The following ABR variants were observed in gnomAD, a reference collection of about 807,000 sequenced individuals.
ABR encodes ABR activator of RhoGEF and GTPase, also known as active breakpoint cluster region-related protein.
A neutral mutation model predicts 107.2 loss-of-function variants in ABR; 35 were observed. That is an observed-to-expected ratio of 0.33 (90% confidence interval 0.25 to 0.43). The LOEUF (loss-of-function observed/expected upper bound fraction) is 0.43. ABR is among the 20% of genes least tolerant of loss of function. The pLI, the probability that ABR is intolerant of heterozygous loss-of-function variation, is 1.00. For synonymous variants in ABR, 498 were observed against 462.0 expected, an observed-to-expected ratio of 1.08 and a Z score of -1.00; for missense variants, 815 against 1,115.2, an observed-to-expected ratio of 0.73 and a Z score of 3.83.
chr17:1,160,346 C>A (rs910658428), intron 1 of ABR, among the ~76,000 whole-genome samples: 1 of 151,652 alleles, frequency 6.6e-6, no homozygotes, highest in Non-Finnish European at 1.5e-5. Flanking sequence ...CAGGCACTCA[C>A]ACATTATTTA....
intron 6 of ABR, among the ~76,000 whole-genome samples, chr17:1,076,728 G>GGC (rs1267959969): frequency 1.0e-4 from 12 of 117,890 alleles, no homozygotes; most frequent in African/African-American, 2.7e-4. Flanking sequence ...GGGGGTGGGG[G>GGC]TGGGGGGGGT....
At chr17:1,007,358 C>T (rs1174356525) in intron 21 of ABR, 46 bp from the exon 22 acceptor site, 4 of 1,609,774 alleles carry the variant, frequency 2.5e-6, no homozygotes, top group Non-Finnish European at 3.4e-6. Context: ...CCTCAGCAGC[C>T]ACTCGGAGCT....
At chr17:1,036,898 G>C (rs1025229699) in intron 16 of ABR, among the ~76,000 whole-genome samples, 2 of 152,178 alleles carry the variant, frequency 1.3e-5, no homozygotes, top group African/African-American at 2.4e-5. Context: ...TATTTGCAAT[G>C]TTCAGAGCCT....
At chr17:1,168,510 G>T (rs1308848315) in intron 1 of ABR, among the ~76,000 whole-genome samples, 3 of 152,144 alleles carry the variant, frequency 2.0e-5, no homozygotes, top group Non-Finnish European at 2.9e-5. Flanking sequence ...GCTAGAGAAT[G>T]GGCAGTGTGC....
Position 1,054,666 on chromosome 17 carries a change from ACCTGAG to A in ABR, c.1561+1363_1561+1368del, listed in dbSNP as rs1440411687. On this transcript the variant is annotated intron_variant, in intron 14 of 22. Coordinates refer to ENST00000302538, the MANE Select transcript of ABR (RefSeq NM_021962.5). ...ACCTCAGGGGATGGGGGCACAAGGA[ACCTGAG>A]GGGATGGGGGCACAAGGAACCTCAG... Among the ~76,000 whole-genome samples, 21 of 40,010 alleles carry A rather than the reference ACCTGAG, an allele frequency of 5.2e-4. 10 individuals are homozygous for A. The highest frequency in any genetic ancestry group is 1.2e-3 in the African/African-American group (12 of 9,944). The allele number at this position is 40,010 out of a possible 152,430, so 26.2% of individuals were successfully genotyped here.
intron 2 of ABR, among the ~76,000 whole-genome samples, chr17:1,116,590 G>C (rs2258230): frequency 0.78 from 119,049 of 151,956 alleles, 46,787 homozygotes; most frequent in East Asian, 0.87. Context: ...AGGTGTGAAT[G>C]TAGGAGGGCC....
chr17:1,198,099 G>T (rs2042604055), intron 1 of ABR, among the ~76,000 whole-genome samples: 1 of 151,604 alleles, frequency 6.6e-6, no homozygotes, highest in African/African-American at 2.4e-5. Flanking sequence ...GACTGTATCT[G>T]CCCCCTGCCA....
intron 4 of ABR, among the ~76,000 whole-genome samples, chr17:1,085,412 G>A (rs1047568425): frequency 2.0e-5 from 3 of 152,090 alleles, no homozygotes; most frequent in Non-Finnish European, 2.9e-5. Context: ...CACCGCGCCC[G>A]GCCAATTTAA....
chr17:1,022,120 A>AC (rs534389079), intron 16 of ABR, among the ~76,000 whole-genome samples: 2 of 118,388 alleles, frequency 1.7e-5, no homozygotes, highest in Non-Finnish European at 1.6e-5. Flanking sequence ...AAAAAAAAAA[A>AC]AAAAACAGAA....
intron 1 of ABR, among the ~76,000 whole-genome samples, chr17:1,130,028 A>G (rs527764466): frequency 3.2e-4 from 49 of 152,358 alleles, no homozygotes; most frequent in African/African-American, 1.1e-3. Flanking sequence ...CAGCTGTGTG[A>G]TAAAGCAAGC....
In ABR at chr17:1,050,327, C is replaced by T. The variant is rs2032320633; in HGVS notation, c.1660-146G>A. 8.8e-7 allele frequency: 1 copy of T among 1,142,488 alleles called. No individual in the cohort carries two copies. The highest frequency in any genetic ancestry group is 1.5e-5 in the South Asian group (1 of 65,826). 70.8% of individuals were successfully genotyped at this position (1,142,488 alleles called of 1,614,324 possible). On this transcript the variant is annotated intron_variant, in intron 15 of 22. Transcript: ENST00000302538. The surrounding 1 kb of genome is among the most constrained non-coding windows in gnomAD (Gnocchi z 4.6). The stretch of plus-strand genomic sequence containing the variant: ...CAGATTTTCTGGAGCTCCCAGAGGC[C>T]TCCCATCACCCCTGGAGTCTGGGGG...
At chr17:1,113,272 A>T (rs1295809365) in intron 2 of ABR, among the ~76,000 whole-genome samples, 19 of 101,442 alleles carry the variant, frequency 1.9e-4, no homozygotes, top group South Asian at 3.4e-4. Context: ...GGAAACACCT[A>T]TTGCGATTTT....
chr17:1,079,211 G>A lies in ABR; in HGVS notation c.700+119C>T, dbSNP rs2440033. The A allele has an allele frequency of 2.7e-5, 40 of 1,490,014 alleles. 1 individual carries two copies. The highest frequency in any genetic ancestry group is 8.4e-5 in the African/African-American group (6 of 71,746). 92.3% of individuals were successfully genotyped at this position (1,490,014 alleles called of 1,614,324 possible). ...CTCACACGCGCTCACACACGCTCAC[G>A]CTCACACGCGCTCACACACACGCAC... On this transcript the variant is annotated intron_variant, in intron 6 of 22. Coordinates refer to ENST00000302538, the MANE Select transcript of ABR (RefSeq NM_021962.5).
chr17:1,106,679 A>G (rs922726768), intron 2 of ABR, among the ~76,000 whole-genome samples: 12 of 151,912 alleles, frequency 7.9e-5, no homozygotes, highest in Non-Finnish European at 1.5e-4. Context: ...ACAGACGCCC[A>G]CCACTACGCC....
In ABR at chr17:1,152,587, G is replaced by T. The variant is rs2040843869; in HGVS notation, c.61+27080C>A. Among the ~76,000 whole-genome samples, 3 of 150,430 alleles carry T rather than the reference G, an allele frequency of 2.0e-5. No individual in the cohort carries two copies. In the South Asian group the frequency reaches 6.3e-4, roughly 32 times the overall value. Reference sequence around the variant, plus strand: ...GCCTGGAGAACAAGAGTGAAACTCTGTCTCAAAAAAAAAAAAAGACAGGAC... The same window carrying T: ...GCCTGGAGAACAAGAGTGAAACTCTTTCTCAAAAAAAAAAAAAGACAGGAC... On this transcript the variant is annotated intron_variant, in intron 1 of 22. Transcript: ENST00000302538.
chr17:1,095,873 C>A (rs2037386337), intron 3 of ABR, among the ~76,000 whole-genome samples: 1 of 152,210 alleles, frequency 6.6e-6, no homozygotes, highest in Non-Finnish European at 1.5e-5. Flanking sequence ...CCGAGTCACT[C>A]GTCACTGGAG....
intron 1 of ABR, among the ~76,000 whole-genome samples, chr17:1,127,753 C>T (rs1025525054): frequency 1.3e-5 from 2 of 152,238 alleles, no homozygotes; most frequent in Middle Eastern, 3.4e-3. Flanking sequence ...CAGGAATGGA[C>T]CCCACACACT....
intron 1 of ABR, among the ~76,000 whole-genome samples, chr17:1,160,963 G>A (rs746928523): frequency 7.9e-5 from 12 of 152,206 alleles, no homozygotes; most frequent in Non-Finnish European, 1.8e-4. Flanking sequence ...CTGTACGAGT[G>A]CTGCAGACGG....
At position 1,012,707 on chromosome 17, in the gene ABR, T is replaced by C; in HGVS notation, c.1942A>G (p.Lys648Glu). The change falls in exon 18 of 23, where the codon AAG (lysine) becomes GAG (glutamate). Residue 648 changes from lysine (K) to glutamate (E), a missense_variant. Physicochemically the swap from Lys to Glu is moderately conservative, Grantham distance 56 (BLOSUM62 1). This residue lies in a region of ABR where 175 missense variants were observed against 284.3 expected (regional missense o/e 0.62). Transcript: ENST00000302538. ...SKKQTGVFGV[K>E]ISVVTKRERS... ...ACCTACTTCGTCACCACGCTGATCT[T>C]CACACCGAAGACGCCGGTCTGCTTT... 6.3e-7 allele frequency: 1 copy of C among 1,587,306 alleles called. No individual in the cohort carries two copies. The highest frequency in any genetic ancestry group is 1.1e-5 in the South Asian group (1 of 87,266).
Sources: gnomAD v4.1 joint callset for allele counts (sites outside exome capture counted in the v4.1 genomes callset) on GRCh38, gnomAD v4.1.1 for gene constraint, gnomAD v4.1.1 regional missense constraint, Gnocchi (gnomAD v3.1) non-coding constraint, MANE v1.5 for transcripts, NCBI Gene and HGNC (gene_info 2026-07-23, HGNC 2026-07-21) for gene names.